Variants in RB1CC1 observed in about 807,000 individuals in gnomAD.
The protein encoded by RB1CC1 is RB1 inducible coiled-coil 1, also known as RB1-inducible coiled-coil protein 1.
RB1CC1 carries 46 observed loss-of-function variants against 177.5 expected under a neutral mutation model. That is an observed-to-expected ratio of 0.26 (90% confidence interval 0.20 to 0.33). RB1CC1 has a LOEUF of 0.33. RB1CC1 is among the 10% of genes least tolerant of loss of function. RB1CC1 has a pLI of 1.00. For synonymous variants in RB1CC1, 666 were observed against 613.6 expected, an observed-to-expected ratio of 1.09 and a Z score of -1.26; for missense variants, 1,703 against 1,816.3, an observed-to-expected ratio of 0.94 and a Z score of 1.13.
intron 12 of RB1CC1, among the ~76,000 whole-genome samples, 196 bp from the exon 13 acceptor site, chr8:52,659,172 T>C (rs1851376157): frequency 1.3e-5 from 2 of 152,220 alleles, no homozygotes; most frequent in African/African-American, 2.4e-5. Context: ...AACTGCGACG[T>C]GAACTGCTAG....
At chr8:52,646,366 G>A (rs1443798223) in intron 15 of RB1CC1, among the ~76,000 whole-genome samples, 1 of 152,078 alleles carries the variant, frequency 6.6e-6, no homozygotes, top group Non-Finnish European at 1.5e-5. Context: ...TGAGGTAGGA[G>A]AACTGCTTGA....
chr8:52,643,458 T>C (rs1849745315), intron 16 of RB1CC1, among the ~76,000 whole-genome samples: 1 of 152,080 alleles, frequency 6.6e-6, no homozygotes, highest in Non-Finnish European at 1.5e-5. Context: ...CTCAGCACTT[T>C]GGGAGACTGA....
chr8:52,655,550 AAAT>A (rs968591135), intron 15 of RB1CC1, among the ~76,000 whole-genome samples: 3 of 152,130 alleles, frequency 2.0e-5, no homozygotes, highest in African/African-American at 4.8e-5. Context: ...TGTATTAAGA[AAAT>A]AACAATAAGG....
At chr8:52,664,546 CA>C (rs751353497) in intron 8 of RB1CC1, among the ~76,000 whole-genome samples, 3 of 152,054 alleles carry the variant, frequency 2.0e-5, no homozygotes, top group Non-Finnish European at 4.4e-5. Context: ...CAAAATACTA[CA>C]AATAAATTAG....
At chr8:52,694,831 G>T (rs1445055924) in intron 1 of RB1CC1, among the ~76,000 whole-genome samples, 2 of 152,180 alleles carry the variant, frequency 1.3e-5, no homozygotes, top group African/African-American at 4.8e-5. Context: ...TTCTAGTTTA[G>T]TGGGAGAGGA....
At chr8:52,652,716 G>C (rs967326305) in intron 15 of RB1CC1, among the ~76,000 whole-genome samples, 1 of 152,110 alleles carries the variant, frequency 6.6e-6, no homozygotes, top group African/African-American at 2.4e-5. Context: ...GAATAAGTCT[G>C]TGTGTGACCT....
chr8:52,673,711 G>T, intron 7 of RB1CC1, 134 bp downstream of exon 7: 1 of 792,940 alleles, frequency 1.3e-6, no homozygotes, highest in Non-Finnish European at 1.9e-6. Context: ...TTCAACCTAT[G>T]TTAAAAGTTT....
chr8:52,631,195 G>C (rs1005787610), intron 20 of RB1CC1, among the ~76,000 whole-genome samples: 3 of 152,132 alleles, frequency 2.0e-5, no homozygotes, highest in Non-Finnish European at 2.9e-5. Flanking sequence ...CTTATGACCA[G>C]GAAGTTGAGT....
At chr8:52,689,636 C>T (rs568039336) in intron 1 of RB1CC1, among the ~76,000 whole-genome samples, 112 of 152,282 alleles carry the variant, frequency 7.4e-4, no homozygotes, top group Non-Finnish European at 1.3e-3. Flanking sequence ...CTTTCCACCA[C>T]AACTTTTCAC....
At chr8:52,712,341 T>C (rs148515754) in intron 1 of RB1CC1, among the ~76,000 whole-genome samples, 72 of 152,242 alleles carry the variant, frequency 4.7e-4, no homozygotes, top group African/African-American at 1.6e-3. Context: ...AATTTTAAGT[T>C]AATATTAGAG....
At chr8:52,666,694 A>G (rs1852098219) in intron 8 of RB1CC1, among the ~76,000 whole-genome samples, 1 of 152,180 alleles carries the variant, frequency 6.6e-6, no homozygotes, top group African/African-American at 2.4e-5. Flanking sequence ...ACTATATACA[A>G]AAGAACCAAA....
At chr8:52,646,444 A>G (rs1024872879) in intron 15 of RB1CC1, among the ~76,000 whole-genome samples, 5 of 151,724 alleles carry the variant, frequency 3.3e-5, no homozygotes, top group African/African-American at 9.7e-5. Context: ...GACTATACAC[A>G]TAAGAGATAG....
Position 52,657,904 on chromosome 8 carries a change from G to T in RB1CC1, c.1925C>A (p.Ser642Tyr). ...ITDLLSEQKASVSQTSPQSAS... is the reference protein window; with the variant it reads ...ITDLLSEQKAYVSQTSPQSAS... ...AGACTGTGGGGATGTCTGACTCACA[G>T]ATGCCTGGAAAACAGAAAGAAAGGC... Residue 642 changes from serine (S) to tyrosine (Y), a missense_variant, in exon 15 of 24, where the codon TCT becomes TAT. Physicochemically the swap from Ser to Tyr is moderately radical, Grantham distance 144. Around this residue, in one of 6 missense-constraint regions of RB1CC1, gnomAD observed 1,169 missense variants for 1,184.7 expected, o/e 0.99. Coordinates refer to ENST00000025008, the MANE Select transcript of RB1CC1 (RefSeq NM_014781.5). 1 of 1,613,264 alleles carries T rather than the reference G, an allele frequency of 6.2e-7. No individual in the cohort carries two copies. The highest frequency in any genetic ancestry group is 8.5e-7 in the Non-Finnish European group (1 of 1,179,488).
At chr8:52,672,884 C>A (rs1366364251) in intron 7 of RB1CC1, among the ~76,000 whole-genome samples, 1 of 152,152 alleles carries the variant, frequency 6.6e-6, no homozygotes. Flanking sequence ...TCATTTTTGG[C>A]AGTGATCAAT....
At chr8:52,690,475 C>T (rs1237048359) in intron 1 of RB1CC1, among the ~76,000 whole-genome samples, 3 of 152,066 alleles carry the variant, frequency 2.0e-5, no homozygotes, top group South Asian at 2.1e-4. Flanking sequence ...CTGTAATCAA[C>T]GCACAAAAGA....
chr8:52,699,830 A>AAAT (rs1554557119), intron 1 of RB1CC1, among the ~76,000 whole-genome samples: 3 of 26,724 alleles, frequency 1.1e-4, no homozygotes, highest in East Asian at 2.0e-3. Flanking sequence ...AAAAAAAAAA[A>AAAT]ATATATATAT....
At chr8:52,640,702 G>A (rs904798136) in intron 18 of RB1CC1, among the ~76,000 whole-genome samples, 4 of 151,694 alleles carry the variant, frequency 2.6e-5, no homozygotes, top group African/African-American at 7.3e-5. Flanking sequence ...ACACATGTCC[G>A]GACATATTTA....
At chr8:52,683,231 C>T (rs982350850) in intron 5 of RB1CC1, among the ~76,000 whole-genome samples, 3 of 152,136 alleles carry the variant, frequency 2.0e-5, no homozygotes, top group Non-Finnish European at 4.4e-5. Context: ...TATTTAAGTT[C>T]TCTTTGTTAA....
intron 1 of RB1CC1, among the ~76,000 whole-genome samples, chr8:52,707,936 A>G (rs1393789267): frequency 6.6e-6 from 1 of 152,236 alleles, no homozygotes; most frequent in Non-Finnish European, 1.5e-5. Flanking sequence ...ATATCAGTTG[A>G]CAATCTATAA....
Sources: allele counts gnomAD v4.1 joint callset (sites outside exome capture counted in the v4.1 genomes callset), GRCh38; gene constraint gnomAD v4.1.1; regional missense constraint gnomAD v4.1.1; transcripts MANE v1.5; gene names NCBI Gene and HGNC (gene_info 2026-07-23, HGNC 2026-07-21).